Variants in ARHGAP6 observed in about 807,000 individuals in gnomAD.
ARHGAP6 encodes the protein rho GTPase-activating protein 6.
ARHGAP6 carries 16 observed loss-of-function variants against 55.7 expected under a neutral mutation model. The ratio of observed to expected loss-of-function variants is 0.29; its 90% CI spans 0.19 to 0.44. The LOEUF is 0.44. ARHGAP6 is among the 20% of genes least tolerant of loss of function. The pLI, the probability that ARHGAP6 is intolerant of heterozygous loss-of-function variation, is 1.00. For missense variants in ARHGAP6, 698 were observed against 808.9 expected (o/e 0.86, Z 1.66); for synonymous variants, 382 against 360.9 (o/e 1.06, Z -0.66).
chrX:11,586,353 G>A, intron 1 of ARHGAP6, among the ~76,000 whole-genome samples: 1 of 111,817 alleles, frequency 8.9e-6, no homozygotes. Context: ...TTTTGTATAT[G>A]GTGATAGGAA....
chrX:11,288,461 G>A (rs2047948445), intron 1 of ARHGAP6, among the ~76,000 whole-genome samples: 1 of 111,614 alleles, frequency 9.0e-6, no homozygotes, highest in Non-Finnish European at 1.9e-5. Context: ...TTTGAGGGCC[G>A]ATATCATACC....
intron 1 of ARHGAP6, among the ~76,000 whole-genome samples, chrX:11,393,542 C>T (rs2049437964): frequency 8.9e-6 from 1 of 111,805 alleles, no homozygotes; most frequent in Non-Finnish European, 1.9e-5. Context: ...AATGGTAGTA[C>T]ATATCTGTAC....
At chrX:11,314,365 C>T (rs1270463790) in intron 1 of ARHGAP6, among the ~76,000 whole-genome samples, 1 of 111,894 alleles carries the variant, frequency 8.9e-6, no homozygotes, top group Non-Finnish European at 1.9e-5. Context: ...CATAACAGAA[C>T]TTCTGATGTC....
At chrX:11,569,983 T>C (rs748357563) in intron 1 of ARHGAP6, among the ~76,000 whole-genome samples, 3 of 112,080 alleles carry the variant, frequency 2.7e-5, no homozygotes, top group Non-Finnish European at 5.6e-5. Context: ...GATCTAAAAA[T>C]AAATTTCATG....
At chrX:11,294,252 A>G (rs1013925096) in intron 1 of ARHGAP6, among the ~76,000 whole-genome samples, 11 of 112,300 alleles carry the variant, frequency 9.8e-5, no homozygotes, top group African/African-American at 3.6e-4. Flanking sequence ...GTAGATAGGA[A>G]TTTCTGGAAC....
intron 1 of ARHGAP6, among the ~76,000 whole-genome samples, chrX:11,616,673 A>G (rs1266371858): frequency 8.9e-6 from 1 of 111,827 alleles, no homozygotes; most frequent in Non-Finnish European, 1.9e-5. Flanking sequence ...ATTCCTTCAT[A>G]GCAACACAAA....
At chrX:11,554,326 TC>T (rs2051299496) in intron 1 of ARHGAP6, among the ~76,000 whole-genome samples, 1 of 111,767 alleles carries the variant, frequency 8.9e-6, no homozygotes, top group Non-Finnish European at 1.9e-5. Flanking sequence ...AGAGGTTGGT[TC>T]ATGTGTGCAA....
intron 3 of ARHGAP6, among the ~76,000 whole-genome samples, chrX:11,195,180 C>T (rs1236050622): frequency 9.0e-6 from 1 of 110,740 alleles, no homozygotes; most frequent in East Asian, 2.8e-4. Flanking sequence ...GGTGAAAGCC[C>T]GTCTCTACTA....
intron 1 of ARHGAP6, chrX:11,294,719 T>C (rs1233957602): frequency 9.1e-7 from 1 of 1,101,564 alleles, no homozygotes; most frequent in African/African-American, 1.8e-5. Flanking sequence ...TTATGGAGCA[T>C]TCATTACATC....
Position 11,448,452 on chromosome X carries a change from C to A in ARHGAP6, c.589-193745G>T, listed in dbSNP as rs1485865484. On this transcript the variant is annotated intron_variant, in intron 1 of 12. Coordinates refer to ENST00000337414, the MANE Select transcript of ARHGAP6 (RefSeq NM_013427.3). ...TTCTTATCCCAGATGGGGTTCAGAG[C>A]ACTGGTTGGCCATCAGTCCATTGCA... 2.7e-5 allele frequency among the ~76,000 whole-genome samples: 3 copies of A among 111,883 alleles called. No homozygotes were observed. In the East Asian group the frequency reaches 8.4e-4, roughly 31 times the overall value.
intron 1 of ARHGAP6, among the ~76,000 whole-genome samples, chrX:11,390,791 G>C (rs181383394): frequency 8.9e-6 from 1 of 111,943 alleles, no homozygotes; most frequent in Non-Finnish European, 1.9e-5. Flanking sequence ...TTACAATGGC[G>C]ATCATTCAAA....
At chrX:11,544,641 C>T (rs752475129) in intron 1 of ARHGAP6, among the ~76,000 whole-genome samples, 89 of 111,792 alleles carry the variant, frequency 8.0e-4, no homozygotes, top group African/African-American at 2.8e-3. Flanking sequence ...TTGTTTCAAG[C>T]AAGGGTCAAT....
At chrX:11,437,101 G>C (rs2049994588) in intron 1 of ARHGAP6, among the ~76,000 whole-genome samples, 1 of 110,867 alleles carries the variant, frequency 9.0e-6, no homozygotes, top group South Asian at 3.9e-4. Context: ...GGGAGAAAGG[G>C]AAAGAGGAAG....
In ARHGAP6 at chrX:11,659,138, A is replaced by G. The variant is rs140017822; in HGVS notation, c.588+5103T>C. On this transcript the variant is annotated intron_variant, in intron 1 of 12. Transcript: ENST00000337414. ...AACAGAGCAAGAAAAACTTTACTAAAACAGAGAAGTGGGAAATATAAAAGT... is the reference window on the plus strand; with the variant it reads ...AACAGAGCAAGAAAAACTTTACTAAGACAGAGAAGTGGGAAATATAAAAGT... 5.6e-3 allele frequency among the ~76,000 whole-genome samples: 624 copies of G among 111,586 alleles called. 1 individual carries two copies. Among genetic ancestry groups the G allele is most frequent in the Middle Eastern group, 0.014 (3 of 217 alleles).
intron 1 of ARHGAP6, among the ~76,000 whole-genome samples, chrX:11,518,530 C>CCAA (rs2050872523): frequency 1.1e-5 from 1 of 93,105 alleles, no homozygotes; most frequent in African/African-American, 4.1e-5. Flanking sequence ...AGGCACATGT[C>CCAA]TACTCCATCA....
Position 11,515,970 on chromosome X carries a change from A to G in ARHGAP6, c.588+148271T>C, listed in dbSNP as rs964599844. ...ACCCCCAAACGTGATATCCCAAATG[A>G]AAATCAACAATTTTCCTATTAAAGT... On this transcript the variant is annotated intron_variant, in intron 1 of 12. Coordinates refer to ENST00000337414, the MANE Select transcript of ARHGAP6 (RefSeq NM_013427.3). 4.4e-5 allele frequency among the ~76,000 whole-genome samples: 5 copies of G among 112,538 alleles called. No individual in the cohort carries two copies. In the East Asian group the frequency reaches 8.4e-4, roughly 19 times the overall value.
chrX:11,628,987 G>A (rs1036544681), intron 1 of ARHGAP6, among the ~76,000 whole-genome samples: 4 of 34,238 alleles, frequency 1.2e-4, no homozygotes, highest in African/African-American at 7.2e-4. Flanking sequence ...TCAGATACGT[G>A]TGTGTGTGTG....
intron 8 of ARHGAP6, among the ~76,000 whole-genome samples, chrX:11,173,306 G>T (rs2046120733): frequency 8.9e-6 from 1 of 112,025 alleles, no homozygotes; most frequent in Non-Finnish European, 1.9e-5. Context: ...ATTTCCTAGA[G>T]GCATGTACCT....
intron 8 of ARHGAP6, among the ~76,000 whole-genome samples, chrX:11,171,892 G>A (rs1293036975): frequency 2.7e-5 from 3 of 111,835 alleles, no homozygotes; most frequent in South Asian, 3.7e-4. Flanking sequence ...AGACATGGTC[G>A]CAGGTCCCCT....
Sources: gnomAD v4.1 joint callset for allele counts (sites outside exome capture counted in the v4.1 genomes callset) on GRCh38, gnomAD v4.1.1 for gene constraint, MANE v1.5 for transcripts, NCBI Gene and HGNC (gene_info 2026-07-23, HGNC 2026-07-21) for gene names.